SKAP2: variants seen among roughly 807,000 people sequenced by gnomAD.
The protein encoded by SKAP2 is src kinase-associated phosphoprotein 2.
In SKAP2, 28 loss-of-function variants were observed where a neutral mutation model predicts 54.9. The observed-to-expected ratio is 0.51, with a 90% confidence interval of 0.38 to 0.70. The LOEUF is 0.70. Among genes scored for constraint, SKAP2 ranks in the 30% least tolerant of loss-of-function variants. The probability of loss-of-function intolerance (pLI) is 0.00; values close to 1 mark genes in which losing one functional copy is unlikely to be tolerated. For synonymous variants in SKAP2, 137 were observed against 134.3 expected, an observed-to-expected ratio of 1.02 and a Z score of -0.14; for missense variants, 356 against 424.1, an observed-to-expected ratio of 0.84 and a Z score of 1.41.
intron 6 of SKAP2, among the ~76,000 whole-genome samples, chr7:26,727,934 G>C (rs1157388039): frequency 1.3e-5 from 2 of 152,090 alleles, no homozygotes; most frequent in African/African-American, 2.4e-5. Flanking sequence ...GGCAAATACA[G>C]AAATGCTTTC....
chr7:26,687,530 A>G (rs1786674114), intron 10 of SKAP2, among the ~76,000 whole-genome samples: 1 of 152,024 alleles, frequency 6.6e-6, no homozygotes, highest in South Asian at 2.1e-4. Flanking sequence ...AAAAATCGTA[A>G]GTAGGGGGAA....
At chr7:26,823,425 C>CAAAAAAAAAA (rs60207927) in intron 4 of SKAP2, among the ~76,000 whole-genome samples, 1 of 93,984 alleles carries the variant, frequency 1.1e-5, no homozygotes, top group African/African-American at 4.5e-5. Context: ...GACTTTGTCT[C>CAAAAAAAAAA]AAAAAAAAAA....
intron 4 of SKAP2, among the ~76,000 whole-genome samples, chr7:26,806,072 T>C (rs960388815): frequency 6.6e-6 from 1 of 152,210 alleles, no homozygotes; most frequent in Non-Finnish European, 1.5e-5. Flanking sequence ...GCCACACCCA[T>C]ATAGGATAGC....
intron 4 of SKAP2, among the ~76,000 whole-genome samples, chr7:26,799,600 T>C (rs2127984184): frequency 6.6e-6 from 1 of 152,260 alleles, no homozygotes; most frequent in Admixed American, 6.5e-5. Flanking sequence ...TAGGCCCTGA[T>C]ACAATAATAG....
At chr7:26,862,722 A>G (rs778813202) in intron 1 of SKAP2, among the ~76,000 whole-genome samples, 13 of 152,100 alleles carry the variant, frequency 8.5e-5, no homozygotes, top group Non-Finnish European at 1.3e-4. Flanking sequence ...GGTTCTCATG[A>G]CCTACATATC....
At chr7:26,821,378 G>T (rs1244630714) in intron 4 of SKAP2, among the ~76,000 whole-genome samples, 1 of 152,176 alleles carries the variant, frequency 6.6e-6, no homozygotes, top group African/African-American at 2.4e-5. Context: ...ACTAAGGAAT[G>T]AAAGTAATTA....
At chr7:26,862,790 C>T (rs538241053) in intron 1 of SKAP2, among the ~76,000 whole-genome samples, 2 of 151,880 alleles carry the variant, frequency 1.3e-5, no homozygotes, top group African/African-American at 4.8e-5. Context: ...ATGGGAGGTA[C>T]CAAGCTTTAA....
intron 4 of SKAP2, among the ~76,000 whole-genome samples, chr7:26,816,105 T>C (rs1420814155): frequency 6.6e-6 from 1 of 152,136 alleles, no homozygotes; most frequent in African/African-American, 2.4e-5. Flanking sequence ...ACACGTTTTC[T>C]AACAAATGTT....
At chr7:26,757,321 C>T (rs1345882195) in intron 4 of SKAP2, among the ~76,000 whole-genome samples, 1 of 152,190 alleles carries the variant, frequency 6.6e-6, no homozygotes, top group Non-Finnish European at 1.5e-5. Context: ...ACATTTAAGT[C>T]TTTACTCCAT....
rs200947340 is a variant in SKAP2, at chr7:26,672,037, AT to A, written c.988-1846del. ...AGCTCTTATTCAATGCCAATATAAG[AT>A]TTTTGAAACTGATTATTTGGAATGA... On this transcript the variant is annotated intron_variant, in intron 11 of 12. Coordinates refer to ENST00000345317, the MANE Select transcript of SKAP2 (RefSeq NM_003930.5). Among the ~76,000 whole-genome samples, 706 of 152,124 alleles carry A rather than the reference AT, an allele frequency of 4.6e-3. 5 individuals carry two copies. Among genetic ancestry groups the A allele is most frequent in the African/African-American group, 0.016 (667 of 41,544 alleles).
chr7:26,722,128 G>A (rs1306271529), intron 9 of SKAP2, among the ~76,000 whole-genome samples: 1 of 152,070 alleles, frequency 6.6e-6, no homozygotes, highest in South Asian at 2.1e-4. Context: ...TTGAAGAAAA[G>A]CCAAATACCT....
At chr7:26,765,936 T>C (rs982315662) in intron 4 of SKAP2, among the ~76,000 whole-genome samples, 2 of 152,172 alleles carry the variant, frequency 1.3e-5, no homozygotes, top group African/African-American at 4.8e-5. Flanking sequence ...TTGTTTAGGA[T>C]TGTCTTAGCT....
At chr7:26,776,578 A>G (rs1324107773) in intron 4 of SKAP2, among the ~76,000 whole-genome samples, 3 of 152,152 alleles carry the variant, frequency 2.0e-5, no homozygotes, top group South Asian at 2.1e-4. Flanking sequence ...ATAGCTAATC[A>G]GTCTCTAAGT....
At chr7:26,843,565 T>C (rs748382385) in intron 4 of SKAP2, among the ~76,000 whole-genome samples, 1 of 151,988 alleles carries the variant, frequency 6.6e-6, no homozygotes, top group African/African-American at 2.4e-5. Context: ...AAAAGAAGCA[T>C]TTGATAAAAA....
chr7:26,746,300 T>A (rs1782558993), intron 4 of SKAP2, among the ~76,000 whole-genome samples: 1 of 152,182 alleles, frequency 6.6e-6, no homozygotes, highest in South Asian at 2.1e-4. Flanking sequence ...CACATAAACT[T>A]AGAAGCTATT....
intron 8 of SKAP2, 76 bp from the exon 9 acceptor site, chr7:26,725,641 T>C: frequency 7.6e-7 from 1 of 1,312,182 alleles, no homozygotes; most frequent in Non-Finnish European, 1.0e-6. Context: ...TATAAATAAA[T>C]GCAGCCCTAC....
chr7:26,774,308 G>A lies in SKAP2; in HGVS notation c.308-34344C>T, dbSNP rs150531180. Among the ~76,000 whole-genome samples the A allele has an allele frequency of 4.7e-3, 717 of 151,856 alleles. 6 individuals are homozygous for A. Among genetic ancestry groups the A allele is most frequent in the African/African-American group, 0.016 (672 of 41,386 alleles). ...AGCCTGGGTGACAGAGTGAGACTCC[G>A]TCTCAAAAAAATAAAAAATAAAAAT... On this transcript the variant is annotated intron_variant, in intron 4 of 12. Transcript: ENST00000345317.
chr7:26,702,263 T>G (rs1277101059), intron 9 of SKAP2, among the ~76,000 whole-genome samples: 1 of 152,118 alleles, frequency 6.6e-6, no homozygotes, highest in African/African-American at 2.4e-5. Flanking sequence ...CATGTGATCC[T>G]CCCAAGTAGC....
chr7:26,754,746 CTT>C (rs750956976), intron 4 of SKAP2, among the ~76,000 whole-genome samples: 2 of 152,230 alleles, frequency 1.3e-5, no homozygotes, highest in Non-Finnish European at 2.9e-5. Context: ...TTCAGCCACA[CTT>C]AAACATCACA....
Sources: allele counts gnomAD v4.1 joint callset (sites outside exome capture counted in the v4.1 genomes callset), GRCh38; gene constraint gnomAD v4.1.1; transcripts MANE v1.5; gene names NCBI Gene and HGNC (gene_info 2026-07-23, HGNC 2026-07-21).